Variants in SEMA3A observed in about 807,000 individuals in gnomAD.
SEMA3A encodes the protein semaphorin 3A.
In SEMA3A, 29 loss-of-function variants were observed where a neutral mutation model predicts 97.9. That is an observed-to-expected ratio of 0.30 (90% CI 0.22 to 0.40). The LOEUF is 0.40. Ranked by LOEUF, SEMA3A falls within the 10% of genes least tolerant of loss-of-function variation. The probability of loss-of-function intolerance (pLI) is 1.00; values close to 1 mark genes in which losing one functional copy is unlikely to be tolerated. For missense variants in SEMA3A, 763 were observed against 951.3 expected, an observed-to-expected ratio of 0.80 and a Z score of 2.60; for synonymous variants, 321 against 323.7, an observed-to-expected ratio of 0.99 and a Z score of 0.09.
chr7:84,390,564 A>G (rs1300080454), intron 1 of SEMA3A, among the ~76,000 whole-genome samples: 1 of 151,998 alleles, frequency 6.6e-6, no homozygotes, highest in Non-Finnish European at 1.5e-5. Context: ...TTAATGTCAC[A>G]CTTGTCAGTC....
chr7:84,077,453 G>C (rs1793994151), intron 4 of SEMA3A, among the ~76,000 whole-genome samples: 2 of 151,924 alleles, frequency 1.3e-5, no homozygotes, highest in Admixed American at 1.3e-4. Context: ...CAACAGAAAG[G>C]AGCATATGTC....
chr7:84,207,697 C>T (rs1798523009), intron 3 of SEMA3A, among the ~76,000 whole-genome samples: 1 of 152,102 alleles, frequency 6.6e-6, no homozygotes, highest in South Asian at 2.1e-4. Context: ...AGCTAAAACT[C>T]AGGCATGATA....
intron 3 of SEMA3A, among the ~76,000 whole-genome samples, chr7:84,252,697 T>C (rs1411553497): frequency 6.6e-6 from 1 of 152,158 alleles, no homozygotes; most frequent in African/African-American, 2.4e-5. Flanking sequence ...AGAATAAAAA[T>C]ATATGGATGA....
intron 3 of SEMA3A, among the ~76,000 whole-genome samples, chr7:84,232,346 C>T (rs1217398963): frequency 6.7e-6 from 1 of 149,670 alleles, no homozygotes; most frequent in East Asian, 2.0e-4. Flanking sequence ...GAAAAATGTC[C>T]AGTTTTCCAA....
chr7:83,987,162 T>G (rs958701485), intron 12 of SEMA3A, among the ~76,000 whole-genome samples: 1 of 151,368 alleles, frequency 6.6e-6, no homozygotes, highest in Non-Finnish European at 1.5e-5. Flanking sequence ...TTTTTTGTCC[T>G]GTGAGTTTCT....
At chr7:84,336,721 C>A (rs1430435953) in intron 2 of SEMA3A, among the ~76,000 whole-genome samples, 1 of 152,102 alleles carries the variant, frequency 6.6e-6, no homozygotes, top group Non-Finnish European at 1.5e-5. Flanking sequence ...CAGAAAGAAA[C>A]ATCCTCAAGT....
chr7:83,966,483 C>G (rs2116269480), intron 15 of SEMA3A, among the ~76,000 whole-genome samples: 1 of 152,220 alleles, frequency 6.6e-6, no homozygotes, highest in South Asian at 2.1e-4. Flanking sequence ...TTGCCAGTAC[C>G]TCAAAGTCTC....
At position 83,975,058 on chromosome 7, in the gene SEMA3A, TTAAC is replaced by T. The variant is rs1483284356; in HGVS notation, c.1717+2070_1717+2073del. ...TCTATATGCCAAATTTTAATAGTCT[TTAAC>T]TACTCTAATTTTATCAAAACACATC... On this transcript the variant is annotated intron_variant, in intron 15 of 16. Transcript: ENST00000265362. Among the ~76,000 whole-genome samples the T allele has an allele frequency of 4.6e-5, 7 of 152,272 alleles. No individual in the cohort carries two copies. In the South Asian group the frequency reaches 1.2e-3, roughly 27 times the overall value.
intron 5 of SEMA3A, among the ~76,000 whole-genome samples, chr7:84,051,279 G>C (rs1792634793): frequency 1.3e-5 from 2 of 152,024 alleles, no homozygotes; most frequent in African/African-American, 2.4e-5. Context: ...GGATGGCATT[G>C]AATCTATAAA....
At chr7:84,425,107 T>C (rs1484280332) in intron 1 of SEMA3A, among the ~76,000 whole-genome samples, 2 of 108,438 alleles carry the variant, frequency 1.8e-5, no homozygotes, top group African/African-American at 3.9e-5. Context: ...TAAATATAAA[T>C]ATATATTTAT....
At chr7:84,232,422 A>ATC (rs142498521) in intron 3 of SEMA3A, among the ~76,000 whole-genome samples, 15 of 146,026 alleles carry the variant, frequency 1.0e-4, no homozygotes, top group East Asian at 2.0e-4. Flanking sequence ...AGATTGTTTA[A>ATC]TCTCTCTCTC....
chr7:84,320,430 A>T (rs1035719908), intron 2 of SEMA3A, among the ~76,000 whole-genome samples: 2 of 152,250 alleles, frequency 1.3e-5, no homozygotes, highest in African/African-American at 2.4e-5. Flanking sequence ...AAAGTTTATT[A>T]AAAAAATCTA....
chr7:84,423,397 T>C (rs1804653627), intron 1 of SEMA3A, among the ~76,000 whole-genome samples: 2 of 152,084 alleles, frequency 1.3e-5, no homozygotes, highest in Admixed American at 1.3e-4. Context: ...CCTTGAGACC[T>C]TTGATTTGCT....
intron 1 of SEMA3A, among the ~76,000 whole-genome samples, chr7:84,423,597 C>G (rs1804660828): frequency 6.6e-6 from 1 of 152,000 alleles, no homozygotes; most frequent in African/African-American, 2.4e-5. Context: ...GTTATATCAT[C>G]TATATCTATA....
chr7:84,199,390 A>G (rs989351657), upstream of SEMA3A, among the ~76,000 whole-genome samples: 1 of 152,000 alleles, frequency 6.6e-6, no homozygotes, highest in Non-Finnish European at 1.5e-5. Flanking sequence ...TGACCTCTTT[A>G]AAGGAAATTA....
intron 3 of SEMA3A, among the ~76,000 whole-genome samples, chr7:84,238,987 G>T (rs925433202): frequency 6.6e-6 from 1 of 152,136 alleles, no homozygotes; most frequent in Non-Finnish European, 1.5e-5. Flanking sequence ...AAAGTACTGG[G>T]ATGACAGGCG....
At chr7:84,056,589 A>G (rs916108512) in intron 5 of SEMA3A, among the ~76,000 whole-genome samples, 1 of 151,690 alleles carries the variant, frequency 6.6e-6, no homozygotes, top group Non-Finnish European at 1.5e-5. Context: ...GGGGAAAAAA[A>G]AAAGAAAATA....
chr7:84,117,348 A>G (rs1795466140), intron 3 of SEMA3A, among the ~76,000 whole-genome samples: 1 of 152,216 alleles, frequency 6.6e-6, no homozygotes, highest in Non-Finnish European at 1.5e-5. Flanking sequence ...AAGAAAAAAC[A>G]TGTAGGACAA....
chr7:84,039,778 G>T (rs1424891151), intron 6 of SEMA3A, among the ~76,000 whole-genome samples: 1 of 151,822 alleles, frequency 6.6e-6, no homozygotes, highest in Non-Finnish European at 1.5e-5. Context: ...ATAAAATTAA[G>T]CATAATCAAT....
Sources: allele counts gnomAD v4.1 joint callset (sites outside exome capture counted in the v4.1 genomes callset), GRCh38; gene constraint gnomAD v4.1.1; transcripts MANE v1.5; gene names NCBI Gene and HGNC (gene_info 2026-07-23, HGNC 2026-07-21).